Variants in DPRX observed in about 807,000 individuals in gnomAD.
The protein encoded by DPRX is divergent paired-related homeobox.
DPRX carries 11 observed loss-of-function variants against 8.4 expected under a neutral mutation model. The ratio of observed to expected loss-of-function variants is 1.31; its 90% CI spans 0.82 to 2.17. The LOEUF (loss-of-function observed/expected upper bound fraction) is 2.17, where lower values mean the gene tolerates loss of function less well. DPRX is among the 30% of genes most tolerant of loss of function. DPRX has a pLI of 0.00. For synonymous variants in DPRX, 72 were observed against 87.0 expected, an observed-to-expected ratio of 0.83 and a Z score of 0.96; for missense variants, 211 against 236.7, an observed-to-expected ratio of 0.89 and a Z score of 0.71.
upstream of DPRX, among the ~76,000 whole-genome samples, chr19:53,630,563 A>G (rs1193929140): frequency 6.6e-6 from 1 of 151,950 alleles, no homozygotes; most frequent in Non-Finnish European, 1.5e-5. Flanking sequence ...ACTTGGGGGC[A>G]AATGTAGGAG....
intron 2 of DPRX, among the ~76,000 whole-genome samples, 158 bp from the exon 3 acceptor site, chr19:53,636,437 GA>G (rs59570305): frequency 0.051 from 6,016 of 117,050 alleles, 429 homozygotes; most frequent in African/African-American, 0.18. Context: ...CCAAAAAAAG[GA>G]AAAAAAAAGA....
the DPRX span, chr19:53,616,929 C>A: frequency 7.4e-7 from 1 of 1,345,696 alleles, no homozygotes; most frequent in Non-Finnish European, 1.1e-6. Flanking sequence ...TGTCTTACTT[C>A]CTCATCACCA....
the DPRX span, among the ~76,000 whole-genome samples, chr19:53,607,563 T>G: frequency 6.6e-6 from 1 of 151,440 alleles, no homozygotes; most frequent in Non-Finnish European, 1.5e-5. Flanking sequence ...AAAATAAGTT[T>G]TAGGCTGGGA....
At chr19:53,634,121 T>C (rs2091103310) in intron 1 of DPRX, among the ~76,000 whole-genome samples, 1 of 152,064 alleles carries the variant, frequency 6.6e-6, no homozygotes, top group Non-Finnish European at 1.5e-5. Flanking sequence ...CGGCCAGCAG[T>C]GTCTCCATAT....
chr19:53,619,630 G>A, the DPRX span, among the ~76,000 whole-genome samples: 13 of 150,152 alleles, frequency 8.7e-5, no homozygotes, highest in African/African-American at 2.2e-4. Flanking sequence ...AGCCGAGATC[G>A]TGCCATTGCA....
the DPRX span, among the ~76,000 whole-genome samples, chr19:53,605,769 A>G: frequency 1.3e-5 from 2 of 151,976 alleles, no homozygotes; most frequent in Admixed American, 6.6e-5. Flanking sequence ...GGCTCAAGCA[A>G]TCCTCCCACT....
At chr19:53,624,989 T>C in the DPRX span, among the ~76,000 whole-genome samples, 13 of 151,194 alleles carry the variant, frequency 8.6e-5, no homozygotes, top group South Asian at 2.3e-3. Context: ...AAGGATGAAA[T>C]GTAATCAACT....
At chr19:53,607,689 CAAAAAAAAAA>C in the DPRX span, among the ~76,000 whole-genome samples, 1 of 129,188 alleles carries the variant, frequency 7.7e-6, no homozygotes, top group Middle Eastern at 3.9e-3. Flanking sequence ...CCGTCTCTAC[CAAAAAAAAAA>C]AAAAACCAAA....
At chr19:53,603,003 ATGTGTGTGTGTGTGTATATATG>A in the DPRX span, among the ~76,000 whole-genome samples, 3 of 147,930 alleles carry the variant, frequency 2.0e-5, no homozygotes, top group South Asian at 2.2e-4. Context: ...GTGTATATGT[ATGTGTGTGTGTGTGTATATATG>A]TGTGTGTGTG....
chr19:53,628,262 A>T (rs1396476845), upstream of DPRX, among the ~76,000 whole-genome samples: 2 of 152,094 alleles, frequency 1.3e-5, no homozygotes, highest in African/African-American at 4.8e-5. Context: ...ACACAGTGAG[A>T]CCTTGTCTCT....
chr19:53,620,131 G>T, the DPRX span, among the ~76,000 whole-genome samples: 1 of 151,954 alleles, frequency 6.6e-6, no homozygotes, highest in East Asian at 1.9e-4. Context: ...GTGCTATAGC[G>T]TGATCTCGCC....
the DPRX span, among the ~76,000 whole-genome samples, chr19:53,622,333 A>G: frequency 6.6e-6 from 1 of 152,078 alleles, no homozygotes; most frequent in Non-Finnish European, 1.5e-5. Flanking sequence ...TCACATATTT[A>G]GTTAAGAGAG....
At chr19:53,622,930 G>A in the DPRX span, among the ~76,000 whole-genome samples, 1 of 152,058 alleles carries the variant, frequency 6.6e-6, no homozygotes, top group Non-Finnish European at 1.5e-5. Context: ...TTGGTTATAT[G>A]CAGATATTGC....
the DPRX span, among the ~76,000 whole-genome samples, chr19:53,612,430 G>A: frequency 2.0e-5 from 3 of 152,008 alleles, no homozygotes; most frequent in Non-Finnish European, 4.4e-5. Context: ...GACGTGGCCG[G>A]GTGCAGTGGC....
chr19:53,634,822 G>A (rs1216622543), intron 2 of DPRX, 137 bp downstream of exon 2: 64 of 1,250,104 alleles, frequency 5.1e-5, no homozygotes, highest in South Asian at 6.8e-5. Flanking sequence ...TCACGTCCCC[G>A]TAAACCTTTC....
the DPRX span, chr19:53,606,457 G>A: frequency 1.6e-4 from 24 of 152,350 alleles, no homozygotes; most frequent in African/African-American, 5.8e-4. The surrounding 1 kb of genome is among the most constrained non-coding windows in gnomAD (Gnocchi z 4.8). Flanking sequence ...GGCACAGAGG[G>A]TGCCGACGGC....
At chr19:53,602,987 T>TTGTGTGTGTATATGTATGTGTG in the DPRX span, among the ~76,000 whole-genome samples, 1 of 149,504 alleles carries the variant, frequency 6.7e-6, no homozygotes, top group Non-Finnish European at 1.5e-5. Context: ...ATATATATAT[T>TTGTGTGTGTATATGTATGTGTG]TGTGTGTGTA....
the DPRX span, among the ~76,000 whole-genome samples, chr19:53,616,549 G>A: frequency 6.6e-6 from 1 of 152,262 alleles, no homozygotes; most frequent in South Asian, 2.1e-4. Flanking sequence ...GAGGTCAGGA[G>A]TTCGAGACCA....
chr19:53,624,395 TTTTTG>T, the DPRX span, among the ~76,000 whole-genome samples: 1 of 149,704 alleles, frequency 6.7e-6, no homozygotes, highest in Non-Finnish European at 1.5e-5. Flanking sequence ...CCCAGCTGTT[TTTTTG>T]TTTTGTTTTT....
Sources: gnomAD v4.1 joint callset for allele counts (sites outside exome capture counted in the v4.1 genomes callset) on GRCh38, gnomAD v4.1.1 for gene constraint, Gnocchi (gnomAD v3.1) non-coding constraint, MANE v1.5 for transcripts, NCBI Gene and HGNC (gene_info 2026-07-23, HGNC 2026-07-21) for gene names.